CDH2: variants seen among roughly 807,000 people sequenced by gnomAD.
CDH2 encodes the protein cadherin 2.
In CDH2, 17 loss-of-function variants were observed where a neutral mutation model predicts 92.0. The observed-to-expected ratio is 0.18, with a 90% CI of 0.13 to 0.28. CDH2 has a LOEUF of 0.28. Ranked by LOEUF, CDH2 falls within the 10% of genes least tolerant of loss-of-function variation. The pLI is 1.00. For missense variants in CDH2, 862 were observed against 1,133.1 expected (o/e 0.76, Z 3.44); for synonymous variants, 419 against 415.9 (o/e 1.01, Z -0.09).
intron 2 of CDH2, among the ~76,000 whole-genome samples, chr18:28,078,072 A>C (rs1446135572): frequency 6.6e-6 from 1 of 152,106 alleles, no homozygotes; most frequent in Non-Finnish European, 1.5e-5. Flanking sequence ...TATCCCTCCC[A>C]CAGAATATAT....
chr18:28,133,628 T>C (rs1327558940), intron 2 of CDH2, among the ~76,000 whole-genome samples: 8 of 151,748 alleles, frequency 5.3e-5, no homozygotes, highest in Non-Finnish European at 1.2e-4. Context: ...ATAAGTTGCT[T>C]AATAAATAAA....
chr18:28,095,733 A>G (rs949185137), intron 2 of CDH2, among the ~76,000 whole-genome samples: 2 of 146,886 alleles, frequency 1.4e-5, no homozygotes, highest in African/African-American at 5.0e-5. Flanking sequence ...TCACTTGAAC[A>G]CATTAGGTGG....
At chr18:28,000,877 A>G (rs978658692) in intron 7 of CDH2, among the ~76,000 whole-genome samples, 1 of 133,572 alleles carries the variant, frequency 7.5e-6, no homozygotes, top group Non-Finnish European at 1.8e-5. Context: ...GACAGAAAGG[A>G]AACTGTGAAT....
At chr18:27,941,278 G>A (rs1040399609) in intron 6 of CDH2, among the ~76,000 whole-genome samples, 4 of 151,966 alleles carry the variant, frequency 2.6e-5, no homozygotes, top group South Asian at 2.1e-4. Flanking sequence ...CTCGTGATCC[G>A]CCCGTCTCGG....
chr18:28,152,040 G>C (rs1248804913), intron 1 of CDH2, among the ~76,000 whole-genome samples: 1 of 152,126 alleles, frequency 6.6e-6, no homozygotes, highest in Admixed American at 6.5e-5. Context: ...ATTTGAAAAT[G>C]TAAAAAATAT....
intron 5 of CDH2, 126 bp downstream of exon 5, chr18:28,009,591 G>T (rs2013036651): frequency 1.5e-6 from 1 of 674,918 alleles, no homozygotes; most frequent in Non-Finnish European, 2.2e-6. Flanking sequence ...TAAACCAAAA[G>T]ACTACAGATA....
intron 14 of CDH2, among the ~76,000 whole-genome samples, chr18:27,976,146 T>C (rs1378286093): frequency 1.3e-5 from 2 of 152,120 alleles, no homozygotes; most frequent in African/African-American, 4.8e-5. Flanking sequence ...GGGCCATAGG[T>C]TCCAGGCGTT....
At chr18:28,026,256 C>T (rs1340608659) in intron 2 of CDH2, among the ~76,000 whole-genome samples, 1 of 152,126 alleles carries the variant, frequency 6.6e-6, no homozygotes, top group Non-Finnish European at 1.5e-5. Context: ...ACTGATTTGC[C>T]CATCAAATGA....
chr18:27,945,191 G>A lies in CDH2; in HGVS notation c.1152-12067C>T, dbSNP rs146911478. On this transcript the variant is annotated intron_variant, in intron 6 of 6. Transcript: ENST00000675173. ...TTACTACAAACCTTACAGAAGTACT[G>A]ACGATCAATGAAAAAGCAAGACCCG... Among the ~76,000 whole-genome samples the A allele has an allele frequency of 3.2e-4, 49 of 151,930 alleles. No homozygotes were observed. In the East Asian group the frequency reaches 8.2e-3, roughly 25 times the overall value.
rs983470573 is a variant in CDH2 at position 28,035,044 on chromosome 18, G to A, written c.173-21135C>T. ...AAGGACGCAATCCATTATTTCTCTC[G>A]AGTTTATCATTTTGGTAGGATAAAT... On this transcript the variant is annotated intron_variant, in intron 2 of 15. Transcript: ENST00000269141. Among the ~76,000 whole-genome samples the A allele has an allele frequency of 3.9e-5, 6 of 152,130 alleles. No individual in the cohort carries two copies. The South Asian group carries it at 6.2e-4, about 16-fold the overall frequency.
chr18:28,004,546 T>C (rs1206003898), intron 6 of CDH2, among the ~76,000 whole-genome samples: 1 of 152,194 alleles, frequency 6.6e-6, no homozygotes, highest in Non-Finnish European at 1.5e-5. Flanking sequence ...ATCATAAATA[T>C]AGCTTTAGTG....
intron 2 of CDH2, among the ~76,000 whole-genome samples, chr18:28,067,404 C>G (rs1485641556): frequency 6.6e-6 from 1 of 152,124 alleles, no homozygotes; most frequent in East Asian, 1.9e-4. Context: ...CCCCTACCAC[C>G]CAACCTTAGG....
intron 2 of CDH2, among the ~76,000 whole-genome samples, chr18:28,014,842 A>G (rs987311422): frequency 6.6e-6 from 1 of 152,118 alleles, no homozygotes; most frequent in African/African-American, 2.4e-5. Context: ...TCAAGATGTA[A>G]TAAAATAATA....
intron 2 of CDH2, among the ~76,000 whole-genome samples, chr18:28,091,149 T>C (rs2015029571): frequency 6.6e-6 from 1 of 152,186 alleles, no homozygotes; most frequent in Non-Finnish European, 1.5e-5. Context: ...AGAGCACTGG[T>C]TTCTGTAATA....
intron 1 of CDH2, among the ~76,000 whole-genome samples, chr18:28,161,584 A>C (rs1195864720): frequency 6.6e-6 from 1 of 151,100 alleles, no homozygotes; most frequent in African/African-American, 2.4e-5. Flanking sequence ...TGTCTCGAAA[A>C]AAAAAAAAAA....
chr18:28,106,865 A>C (rs1172842076), intron 2 of CDH2, among the ~76,000 whole-genome samples: 1 of 152,184 alleles, frequency 6.6e-6, no homozygotes, highest in Non-Finnish European at 1.5e-5. Context: ...TAGTTACACA[A>C]ATGTTTAGTG....
intron 2 of CDH2, among the ~76,000 whole-genome samples, chr18:28,098,966 A>G (rs1171462294): frequency 6.6e-6 from 1 of 152,180 alleles, no homozygotes; most frequent in African/African-American, 2.4e-5. Flanking sequence ...GTATATATAC[A>G]TAGGGGAAAA....
At chr18:28,158,724 T>C (rs1168780319) in intron 1 of CDH2, among the ~76,000 whole-genome samples, 1 of 152,182 alleles carries the variant, frequency 6.6e-6, no homozygotes, top group Non-Finnish European at 1.5e-5. Flanking sequence ...TCACTCTCAT[T>C]ATCTCACAAG....
chr18:28,174,778 T>A (rs375036924), intron 1 of CDH2, among the ~76,000 whole-genome samples: 2 of 152,222 alleles, frequency 1.3e-5, no homozygotes, highest in South Asian at 4.1e-4. Flanking sequence ...TGTCTCTTCG[T>A]GTCCTAACTT....
Sources: allele counts gnomAD v4.1 joint callset (sites outside exome capture counted in the v4.1 genomes callset), GRCh38; gene constraint gnomAD v4.1.1; transcripts MANE v1.5; gene names NCBI Gene and HGNC (gene_info 2026-07-23, HGNC 2026-07-21).